Variants in NLRC5 observed in about 807,000 individuals in gnomAD.
NLRC5 encodes the protein protein NLRC5.
Under a neutral mutation model 206.9 loss-of-function variants are expected in NLRC5, and 114 were observed. That is an observed-to-expected ratio of 0.55 (90% CI 0.47 to 0.64). The LOEUF is 0.64. NLRC5 is among the 30% of genes least tolerant of loss of function. NLRC5 has a pLI of 0.00. For missense variants in NLRC5, 2,008 were observed against 2,305.5 expected (o/e 0.87, Z 2.64); for synonymous variants, 952 against 962.8 (o/e 0.99, Z 0.21).
At chr16:57,058,020 G>A (rs1180043890) in intron 27 of NLRC5, 45 bp from the exon 28 acceptor site, 7 of 1,489,752 alleles carry the variant, frequency 4.7e-6, no homozygotes, top group Admixed American at 3.4e-5. Context: ...ATCTCAGGCT[G>A]AGGAGGCACC....
chr16:57,016,470 C>T (rs1466094347), intron 1 of NLRC5, among the ~76,000 whole-genome samples: 3 of 152,166 alleles, frequency 2.0e-5, no homozygotes, highest in African/African-American at 7.2e-5. Context: ...TCCATGTACT[C>T]TGTAGCTACC....
At chr16:57,007,085 A>T (rs758018653) in intron 1 of NLRC5, among the ~76,000 whole-genome samples, 1 of 152,066 alleles carries the variant, frequency 6.6e-6, no homozygotes, top group Non-Finnish European at 1.5e-5. Flanking sequence ...TGTGCACATT[A>T]AAAAGTTTGA....
chr16:57,028,858 T>C lies in NLRC5; in HGVS notation c.2243+473T>C, dbSNP rs549165884. On this transcript the variant is annotated intron_variant, in intron 8 of 48. Transcript: ENST00000688547. ...GCGCACACATGCACCTTTAACTACA[T>C]GTACACATTTTGATGCCAGCACACT... Among the ~76,000 whole-genome samples the C allele has an allele frequency of 2.0e-5, 3 of 152,312 alleles. No individual in the cohort carries two copies. The East Asian group carries it at 5.8e-4, about 29-fold the overall frequency.
At chr16:57,012,600 C>T (rs975935146) in intron 1 of NLRC5, among the ~76,000 whole-genome samples, 2 of 152,104 alleles carry the variant, frequency 1.3e-5, no homozygotes, top group African/African-American at 2.4e-5. Context: ...TTGTGAAATG[C>T]GCATGTGAGG....
In NLRC5 at chr16:57,046,472, C is replaced by T. The variant is rs2063989386; in HGVS notation, c.3249-80C>T. ...CTGAACTTTCCTTTCTAAACGATCCCCCTCCTAGGGGTATATGGGCTGGGC... is the reference window on the plus strand; with the variant it reads ...CTGAACTTTCCTTTCTAAACGATCCTCCTCCTAGGGGTATATGGGCTGGGC... On this transcript the variant is annotated intron_variant, in intron 21 of 48. Transcript: ENST00000688547. The T allele has an allele frequency of 6.0e-6, 7 of 1,174,300 alleles. No individual in the cohort carries two copies. In the South Asian group the frequency reaches 7.9e-5, roughly 13 times the overall value. 72.7% of individuals were successfully genotyped at this position (1,174,300 alleles called of 1,614,324 possible).
rs370719962 is a variant in NLRC5, at chr16:57,067,498, C to T, written c.4406+28C>T. 479 of 1,606,414 alleles carry T rather than the reference C, an allele frequency of 3.0e-4. 6 individuals carry two copies. Among genetic ancestry groups the T allele is most frequent in the South Asian group, 1.7e-3 (154 of 90,916 alleles). On this transcript the variant is annotated intron_variant, in intron 35 of 48. Transcript: ENST00000688547. ...CAGCGCCTGGAAACTCTGTGTGGGG[C>T]CCTGAGTTCTCTGGTTGACCCTGGT...
In NLRC5 at chr16:57,051,785, A is replaced by T. The variant is rs376690529; in HGVS notation, c.3506+164A>T. ...TTTCCTTAGGTTGTTTTATCATTTTACCTGGCACAACTGGGGACTCCAATC... is the reference window on the plus strand; with the variant it reads ...TTTCCTTAGGTTGTTTTATCATTTTTCCTGGCACAACTGGGGACTCCAATC... On this transcript the variant is annotated intron_variant, in intron 24 of 48. Transcript: ENST00000688547. Among the ~76,000 whole-genome samples the T allele has an allele frequency of 2.4e-3, 295 of 123,410 alleles. 1 individual carries two copies. Among genetic ancestry groups the T allele is most frequent in the African/African-American group, 9.0e-3 (284 of 31,528 alleles). 81.0% of individuals were successfully genotyped at this position (123,410 alleles called of 152,430 possible). A position where few individuals can be genotyped will look rare whatever the true frequency, so the allele number is the denominator to read the frequency against.
intron 13 of NLRC5, among the ~76,000 whole-genome samples, chr16:57,035,674 G>A (rs752926268): frequency 1.2e-4 from 18 of 152,290 alleles, no homozygotes; most frequent in Non-Finnish European, 2.4e-4. Flanking sequence ...CCCAGACTAG[G>A]TCAGATGCCC....
intron 1 of NLRC5, among the ~76,000 whole-genome samples, chr16:57,011,455 C>G (rs2059490087): frequency 6.6e-6 from 1 of 151,876 alleles, no homozygotes. Context: ...GGTGCAGAGG[C>G]TCACGCCTGT....
intron 41 of NLRC5, 62 bp downstream of exon 41, chr16:57,077,441 G>C: frequency 6.8e-7 from 1 of 1,465,056 alleles, no homozygotes; most frequent in Non-Finnish European, 9.5e-7. Flanking sequence ...AGGAGATACT[G>C]GCCCCTAGCT....
At position 57,029,834 on chromosome 16, in the gene NLRC5, C is replaced by T; in HGVS notation, c.2305C>T (p.Leu769=). Residue 769 remains leucine (L), a synonymous_variant, in exon 9 of 49, where the codon CTA becomes TTA. Transcript: ENST00000688547. ...GAACATTGTGGAGGTTCTCCCTCAC[C>T]TACCACGGCTCCGGAAGCTTGAGTA... is the stretch of plus-strand genomic sequence containing the variant. ...VLNIVEVLPH[L]PRLRKLDLSS... 6.2e-7 allele frequency: 1 copy of T among 1,614,186 alleles called. No homozygotes were observed. The highest frequency in any genetic ancestry group is 8.5e-7 in the Non-Finnish European group (1 of 1,180,010).
In NLRC5 at chr16:57,076,918, T is replaced by G. The variant is rs753401563; in HGVS notation, c.4835+16T>G. On this transcript the variant is annotated intron_variant, in intron 40 of 48. Coordinates refer to ENST00000688547, the MANE Select transcript of NLRC5 (RefSeq NM_001384950.1). ...AGGAGCTGGAGTGAGTTGCCCATTC[T>G]GCCCCCAGACCCAGGACAATTTTGG... 12 of 1,612,328 alleles carry G rather than the reference T, an allele frequency of 7.4e-6. No homozygotes were observed. Among genetic ancestry groups the G allele is most frequent in the East Asian group, 2.2e-5 (1 of 44,878 alleles).
rs2068590236 is a variant in NLRC5 at position 57,077,792 on chromosome 16, G to A, written c.4993G>A (p.Glu1665Lys). 6.2e-7 allele frequency: 1 copy of A among 1,603,408 alleles called. No individual in the cohort carries two copies. Among genetic ancestry groups the A allele is most frequent in the African/African-American group, 1.3e-5 (1 of 74,818 alleles). Reference protein sequence around the residue: ...AESLVLCRRLEELMLGCNALG... With the variant: ...AESLVLCRRLKELMLGCNALG... The stretch of plus-strand genomic sequence containing the variant: ...GTCTCTCGTTCTTTGCAGGCGCCTG[G>A]AGGAGTTGATGTGAGTGTCTGCCCA... The change falls in exon 42 of 49, where the codon GAG becomes AAG. Residue 1665 changes from glutamate to lysine, a missense_variant. Transcript: ENST00000688547.
Position 57,030,010 on chromosome 16 carries a change from C to A in NLRC5, c.2343C>A (p.Ser781Arg). 2.5e-6 allele frequency: 4 copies of A among 1,614,164 alleles called. No homozygotes were observed. The highest frequency in any genetic ancestry group is 3.4e-6 in the Non-Finnish European group (4 of 1,180,016). ...RLRKLDLSSN[S>R]ICVSTLLCLA... Reference sequence around the variant, plus strand: ...AATCTTGCAGCCTGAGCAGCAACAGCATCTGCGTGTCAACCCTACTCTGCT... The same window carrying A: ...AATCTTGCAGCCTGAGCAGCAACAGAATCTGCGTGTCAACCCTACTCTGCT... The change falls in exon 10 of 49, where the codon AGC (serine) becomes AGA (arginine). Residue 781 changes from serine to arginine, a missense_variant. Physicochemically the swap from Ser to Arg is moderately radical, Grantham distance 110. Coordinates refer to ENST00000688547, the MANE Select transcript of NLRC5 (RefSeq NM_001384950.1).
At chr16:57,030,410 GGCT>G (rs2061688101) in intron 10 of NLRC5, among the ~76,000 whole-genome samples, 11 of 101,610 alleles carry the variant, frequency 1.1e-4, no homozygotes, top group South Asian at 6.3e-4. Context: ...ATGGATGGAT[GGCT>G]GAAAAGATGG....
Position 57,025,491 on chromosome 16 carries a change from G to T in NLRC5, c.548G>T (p.Arg183Leu). ...GTCTATGTCCCTCCAATCCTGCGCC[G>T]GGCCACAGCATCCTTAGACACTCCG... The part of the protein sequence containing the change: ...HQVYVPPILR[R>L]ATASLDTPEG... Residue 183 changes from arginine (R) to leucine (L), a missense_variant, in exon 6 of 49, where the codon CGG (arginine) becomes CTG (leucine). Transcript: ENST00000688547. 1.2e-6 allele frequency: 2 copies of T among 1,613,384 alleles called. No individual in the cohort carries two copies. The highest frequency in any genetic ancestry group is 1.7e-6 in the Non-Finnish European group (2 of 1,179,628).
intron 26 of NLRC5, 111 bp from the exon 27 acceptor site, chr16:57,055,322 G>T: frequency 9.4e-7 from 1 of 1,060,960 alleles, no homozygotes; most frequent in Non-Finnish European, 1.4e-6. Flanking sequence ...GTCCAAGCTT[G>T]AGTGGAGACC....
At chr16:57,054,711 G>C in intron 24 of NLRC5, 40 bp from the exon 25 acceptor site, 1 of 1,175,396 alleles carries the variant, frequency 8.5e-7, no homozygotes. Flanking sequence ...CAGGTTCCTT[G>C]TCCACTCATC....
At chr16:57,065,948 C>G (rs1185723048) in intron 33 of NLRC5, among the ~76,000 whole-genome samples, 3 of 152,114 alleles carry the variant, frequency 2.0e-5, no homozygotes, top group Non-Finnish European at 4.4e-5. Context: ...CCATAAGCAC[C>G]CCATGAACAT....
Sources: gnomAD v4.1 joint callset for allele counts (sites outside exome capture counted in the v4.1 genomes callset) on GRCh38, gnomAD v4.1.1 for gene constraint, MANE v1.5 for transcripts, NCBI Gene and HGNC (gene_info 2026-07-23, HGNC 2026-07-21) for gene names.